MGAT4C: variants seen among roughly 807,000 people sequenced by gnomAD.
MGAT4C encodes MGAT4 family member C.
Under a neutral mutation model 40.1 loss-of-function variants are expected in MGAT4C, and 19 were observed. That is an observed-to-expected ratio of 0.47 (90% confidence interval 0.33 to 0.70). The LOEUF is 0.70. MGAT4C is among the 30% of genes least tolerant of loss of function. The pLI is 0.02. For synonymous variants in MGAT4C, 181 were observed against 187.1 expected, an observed-to-expected ratio of 0.97 and a Z score of 0.27; for missense variants, 491 against 563.2, an observed-to-expected ratio of 0.87 and a Z score of 1.30.
chr12:86,406,439 A>C (rs1956476071), intron 3 of MGAT4C, among the ~76,000 whole-genome samples: 1 of 152,114 alleles, frequency 6.6e-6, no homozygotes. Context: ...AGATAGGAAG[A>C]GACATTTCAC....
rs888967248 is a variant in MGAT4C, at chr12:86,485,449, C to T, written c.-228-50184G>A. 4.6e-5 allele frequency among the ~76,000 whole-genome samples: 7 copies of T among 152,050 alleles called. No individual in the cohort carries two copies. The South Asian group carries it at 1.0e-3, about 23-fold the overall frequency. ...AAGAATTTCATAATATAGCCTGTAG[C>T]ATAAATAGCAGAATAGACCAAAAAT... On this transcript the variant is annotated intron_variant, in intron 2 of 7. Coordinates refer to the MGAT4C transcript ENST00000548651.
intron 1 of MGAT4C, among the ~76,000 whole-genome samples, chr12:86,073,082 G>A (rs1373999741): frequency 6.6e-6 from 1 of 152,158 alleles, no homozygotes; most frequent in Non-Finnish European, 1.5e-5. Context: ...AGAGGGACCT[G>A]GTGGGAGACA....
intron 1 of MGAT4C, among the ~76,000 whole-genome samples, chr12:86,772,426 C>A (rs1400326328): frequency 6.6e-6 from 1 of 152,160 alleles, no homozygotes; most frequent in African/African-American, 2.4e-5. Flanking sequence ...TGCATTATCC[C>A]TTAATAAAAA....
chr12:86,494,402 T>C (rs1231309815), intron 2 of MGAT4C, among the ~76,000 whole-genome samples: 1 of 151,978 alleles, frequency 6.6e-6, no homozygotes, highest in African/African-American at 2.4e-5. Flanking sequence ...TTTGTTTCAA[T>C]TTTATTTTTT....
chr12:86,221,954 C>A (rs1332772231), intron 1 of MGAT4C, among the ~76,000 whole-genome samples: 1 of 152,130 alleles, frequency 6.6e-6, no homozygotes, highest in African/African-American at 2.4e-5. Context: ...CATATAAGAA[C>A]AGTATTTATG....
intron 1 of MGAT4C, among the ~76,000 whole-genome samples, chr12:86,771,700 G>A (rs1276423601): frequency 3.7e-5 from 3 of 80,384 alleles, no homozygotes; most frequent in Non-Finnish European, 1.0e-4. Flanking sequence ...GTGTGTGTGT[G>A]TGTGTGTGTG....
intron 1 of MGAT4C, among the ~76,000 whole-genome samples, chr12:86,112,609 G>GCTAAAT (rs1877649315): frequency 6.6e-6 from 1 of 151,656 alleles, no homozygotes; most frequent in Non-Finnish European, 1.5e-5. Context: ...TTTAGCAAAT[G>GCTAAAT]AATGTGCATA....
At chr12:86,725,488 A>T (rs2702774) in intron 2 of MGAT4C, among the ~76,000 whole-genome samples, 136,044 of 152,122 alleles carry the variant, frequency 0.89, 62,131 homozygotes, top group Non-Finnish European at 1. Flanking sequence ...AGAGACCGAG[A>T]CCTTCTCTGT....
chr12:86,487,641 T>A (rs1958044787), intron 2 of MGAT4C, among the ~76,000 whole-genome samples: 1 of 152,202 alleles, frequency 6.6e-6, no homozygotes, highest in Non-Finnish European at 1.5e-5. Context: ...TTTAAATATA[T>A]TTACATAATA....
At chr12:86,329,191 A>T (rs1954597672) in intron 4 of MGAT4C, among the ~76,000 whole-genome samples, 1 of 151,978 alleles carries the variant, frequency 6.6e-6, no homozygotes, top group Non-Finnish European at 1.5e-5. Flanking sequence ...TTGAAAATAA[A>T]CACACTTGTT....
chr12:86,004,742 A>C (rs1887699682), intron 2 of MGAT4C, among the ~76,000 whole-genome samples: 1 of 151,904 alleles, frequency 6.6e-6, no homozygotes, highest in African/African-American at 2.4e-5. Flanking sequence ...GGATATAAGC[A>C]CTCCCTTCCT....
chr12:86,443,714 C>T (rs543226664), intron 2 of MGAT4C, among the ~76,000 whole-genome samples: 1 of 152,272 alleles, frequency 6.6e-6, no homozygotes, highest in African/African-American at 2.4e-5. Context: ...CCGCCTCAGC[C>T]TCCCGAGTAG....
chr12:86,211,829 G>A (rs61949004), intron 1 of MGAT4C, among the ~76,000 whole-genome samples: 12,328 of 149,432 alleles, frequency 0.082, 618 homozygotes, highest in Middle Eastern at 0.23. Context: ...TTCTCTCTTT[G>A]CAGCTGTTGG....
At chr12:86,060,164 T>C (rs1446523824) in intron 1 of MGAT4C, among the ~76,000 whole-genome samples, 4 of 152,210 alleles carry the variant, frequency 2.6e-5, no homozygotes, top group African/African-American at 4.8e-5. Context: ...AGGGCTCTAC[T>C]AAGCTTTCTG....
intron 2 of MGAT4C, among the ~76,000 whole-genome samples, chr12:86,619,060 A>G (rs552424010): frequency 1.4e-4 from 21 of 152,238 alleles, no homozygotes; most frequent in African/African-American, 4.6e-4. Flanking sequence ...ATTAGGTATT[A>G]TAAGTAATCT....
chr12:86,760,750 T>C (rs1287684296), intron 1 of MGAT4C, among the ~76,000 whole-genome samples: 2 of 152,158 alleles, frequency 1.3e-5, no homozygotes, highest in Admixed American at 1.3e-4. Context: ...AAAAAGACTT[T>C]GCTGAGAGTA....
At chr12:86,404,120 T>C (rs577339007) in intron 3 of MGAT4C, among the ~76,000 whole-genome samples, 18 of 152,226 alleles carry the variant, frequency 1.2e-4, no homozygotes, top group Admixed American at 7.9e-4. Flanking sequence ...AAGTTTGAGA[T>C]TGCGGTGAGC....
chr12:86,684,284 T>C (rs1950032981), intron 2 of MGAT4C, among the ~76,000 whole-genome samples: 1 of 152,216 alleles, frequency 6.6e-6, no homozygotes, highest in Non-Finnish European at 1.5e-5. Flanking sequence ...ATGTGGTGTT[T>C]GGTTTTCTGT....
chr12:86,396,479 C>A (rs919695582), intron 3 of MGAT4C, among the ~76,000 whole-genome samples: 6 of 152,188 alleles, frequency 3.9e-5, no homozygotes, highest in Non-Finnish European at 8.8e-5. Flanking sequence ...CTGCATTTGA[C>A]CCGCAGCAGG....
Sources: allele counts gnomAD v4.1 joint callset (sites outside exome capture counted in the v4.1 genomes callset), GRCh38; gene constraint gnomAD v4.1.1; transcripts MANE v1.5; gene names NCBI Gene and HGNC (gene_info 2026-07-23, HGNC 2026-07-21).